Variants in PTN observed in about 807,000 individuals in gnomAD.
The protein encoded by PTN is pleiotrophin.
PTN carries 18 observed loss-of-function variants against 24.1 expected under a neutral mutation model. The observed-to-expected ratio is 0.75, with a 90% CI of 0.52 to 1.11. The LOEUF (loss-of-function observed/expected upper bound fraction) is 1.11. Ranked by LOEUF, PTN falls within the 50% of genes least tolerant of loss-of-function variation. The pLI is 0.00. For synonymous variants in PTN, 78 were observed against 68.6 expected (o/e 1.14, Z -0.67); for missense variants, 163 against 198.8 (o/e 0.82, Z 1.08).
At chr7:137,234,288 C>T (rs562736885) in intron 4 of PTN, among the ~76,000 whole-genome samples, 103 of 151,984 alleles carry the variant, frequency 6.8e-4, no homozygotes, top group African/African-American at 2.4e-3. Context: ...TGATGCAATG[C>T]TGATTTTGTT....
chr7:137,294,807 G>T (rs1809693544), intron 1 of PTN, among the ~76,000 whole-genome samples: 1 of 152,174 alleles, frequency 6.6e-6, no homozygotes, highest in Admixed American at 6.5e-5. Flanking sequence ...TAGTAATAAA[G>T]ATGGCTGTCT....
chr7:137,231,382 A>C (rs769061954), intron 4 of PTN, among the ~76,000 whole-genome samples: 13 of 151,818 alleles, frequency 8.6e-5, no homozygotes, highest in Non-Finnish European at 1.3e-4. Flanking sequence ...GTCAGCACCT[A>C]GTCATCCTTA....
chr7:137,284,540 C>T (rs1165682476), intron 1 of PTN, among the ~76,000 whole-genome samples: 3 of 152,018 alleles, frequency 2.0e-5, no homozygotes, highest in Non-Finnish European at 4.4e-5. Flanking sequence ...CCAAATAAAC[C>T]TCATTTAGTT....
chr7:137,283,930 TG>T (rs1310648724), intron 1 of PTN, among the ~76,000 whole-genome samples: 1 of 142,378 alleles, frequency 7.0e-6, no homozygotes, highest in African/African-American at 2.6e-5. Flanking sequence ...GTTGATAAAA[TG>T]AATGTGAAAA....
Position 137,228,080 on chromosome 7 carries a change from G to A in PTN, c.452-5C>T. The A allele has an allele frequency of 6.6e-7, 1 of 1,519,802 alleles. No homozygotes were observed. The highest frequency in any genetic ancestry group is 9.1e-7 in the Non-Finnish European group (1 of 1,099,574). The allele number at this position is 1,519,802 out of a possible 1,614,324, so 94.1% of individuals were successfully genotyped here. A position where few individuals can be genotyped will look rare whatever the true frequency, so the allele number is the denominator to read the frequency against. On this transcript the variant is annotated splice_region_variant and splice_polypyrimidine_tract_variant and intron_variant, in intron 4 of 4. Coordinates refer to ENST00000348225, the MANE Select transcript of PTN (RefSeq NM_002825.7). ...TTTTCTTCTTCTTAGATTCTGCTGT[G>A]ATTACAAAAAAGAGAGACAGAAAGA...
chr7:137,324,433 A>AAAAAAAAAAAAAAATATATATAT, intron 1 of PTN, among the ~76,000 whole-genome samples: 8 of 88,762 alleles, frequency 9.0e-5, no homozygotes, highest in African/African-American at 4.8e-4. Context: ...AAAAAAAAAA[A>AAAAAAAAAAAAAAATATATATAT]ATATATATAT....
intron 1 of PTN, among the ~76,000 whole-genome samples, chr7:137,327,136 G>T (rs530408663): frequency 7.2e-5 from 11 of 152,202 alleles, no homozygotes; most frequent in African/African-American, 2.4e-4. Context: ...GTAGGGTAAG[G>T]GTTGGTACAC....
chr7:137,301,509 C>T lies in PTN; in HGVS notation c.-2+41930G>A, dbSNP rs138473062. 1.7e-4 allele frequency among the ~76,000 whole-genome samples: 26 copies of T among 151,656 alleles called. No homozygotes were observed. The East Asian group carries it at 1.8e-3, about 10-fold the overall frequency. On this transcript the variant is annotated intron_variant, in intron 1 of 4. Coordinates refer to ENST00000348225, the MANE Select transcript of PTN (RefSeq NM_002825.7). ...TTGGTCAATTCAGATAGTGTAGTAA[C>T]AACTCAAAGCGTCCATAGCTTTGCC...
At chr7:137,296,644 G>A (rs1451506963) in intron 1 of PTN, among the ~76,000 whole-genome samples, 1 of 152,030 alleles carries the variant, frequency 6.6e-6, no homozygotes, top group African/African-American at 2.4e-5. Context: ...TTTCTGTGGT[G>A]GCAGGGGGTG....
intron 1 of PTN, among the ~76,000 whole-genome samples, chr7:137,292,275 G>C (rs1304064432): frequency 2.0e-5 from 3 of 152,062 alleles, no homozygotes; most frequent in Non-Finnish European, 4.4e-5. Flanking sequence ...ATCATTTCTA[G>C]ATTATTTATA....
At chr7:137,327,361 G>C (rs116066005) in intron 1 of PTN, among the ~76,000 whole-genome samples, 6,124 of 151,606 alleles carry the variant, frequency 0.04, 417 homozygotes, top group African/African-American at 0.14. Context: ...TTTTCTAACC[G>C]TTGCTTCCAC....
chr7:137,281,783 G>A (rs1809478934), intron 1 of PTN, among the ~76,000 whole-genome samples: 1 of 152,132 alleles, frequency 6.6e-6, no homozygotes, highest in African/African-American at 2.4e-5. Context: ...AAAAAATAAA[G>A]ACCAAGGGAA....
At chr7:137,291,068 A>C (rs1223750769) in intron 1 of PTN, among the ~76,000 whole-genome samples, 1 of 152,174 alleles carries the variant, frequency 6.6e-6, no homozygotes, top group Non-Finnish European at 1.5e-5. Flanking sequence ...TAAATCTATA[A>C]AATCTGAGTT....
At chr7:137,262,761 G>A (rs889240531) in intron 1 of PTN, among the ~76,000 whole-genome samples, 9 of 152,164 alleles carry the variant, frequency 5.9e-5, no homozygotes, top group South Asian at 2.1e-4. Flanking sequence ...AGAATAGAAC[G>A]GGAGGTTTCA....
chr7:137,232,645 T>C (rs147172250), intron 4 of PTN, among the ~76,000 whole-genome samples: 3 of 152,058 alleles, frequency 2.0e-5, no homozygotes, highest in African/African-American at 7.2e-5. Context: ...AGGAAATTCT[T>C]TGAATGCATA....
At chr7:137,327,007 A>G (rs1810273960) in intron 1 of PTN, 1 of 152,206 alleles carries the variant, frequency 6.6e-6, no homozygotes. Flanking sequence ...TGAAACAGAG[A>G]AAGGGGTAAG....
chr7:137,239,817 G>A (rs749292967), intron 4 of PTN, among the ~76,000 whole-genome samples: 6 of 152,160 alleles, frequency 3.9e-5, no homozygotes, highest in Non-Finnish European at 8.8e-5. Context: ...TGTTAGGAGA[G>A]GGAAACATGC....
At chr7:137,246,065 G>A (rs1484886320) in intron 4 of PTN, among the ~76,000 whole-genome samples, 2 of 152,078 alleles carry the variant, frequency 1.3e-5, no homozygotes, top group Non-Finnish European at 2.9e-5. Context: ...CTATGGTATT[G>A]TACACTAATG....
At chr7:137,271,184 T>C (rs1448705348) in intron 1 of PTN, among the ~76,000 whole-genome samples, 2 of 152,228 alleles carry the variant, frequency 1.3e-5, no homozygotes, top group Non-Finnish European at 2.9e-5. Flanking sequence ...TACCAATTCA[T>C]AATCTGTATT....
Sources: gnomAD v4.1 joint callset for allele counts (sites outside exome capture counted in the v4.1 genomes callset) on GRCh38, gnomAD v4.1.1 for gene constraint, MANE v1.5 for transcripts, NCBI Gene and HGNC (gene_info 2026-07-23, HGNC 2026-07-21) for gene names.